The following CAD variants were observed in gnomAD, a reference collection of about 807,000 sequenced individuals.
CAD encodes multifunctional protein CAD.
In CAD, 81 loss-of-function variants were observed where a neutral mutation model predicts 237.2. That is an observed-to-expected ratio of 0.34 (90% CI 0.29 to 0.41). The LOEUF (loss-of-function observed/expected upper bound fraction) is 0.41. Ranked by LOEUF, CAD falls within the 10% of genes least tolerant of loss-of-function variation. The pLI, the probability that CAD is intolerant of heterozygous loss-of-function variation, is 1.00. For missense variants in CAD, 2,181 were observed against 2,951.7 expected (o/e 0.74, Z 6.05); for synonymous variants, 1,196 against 1,162.8 (o/e 1.03, Z -0.58).
intron 3 of CAD, among the ~76,000 whole-genome samples, chr2:27,221,617 C>T (rs928860813): frequency 5.3e-5 from 8 of 152,098 alleles, no homozygotes; most frequent in African/African-American, 1.9e-4. Context: ...TCTCAGACAT[C>T]ATATCATTTC....
At position 27,242,506 on chromosome 2, in the gene CAD, G is replaced by C; in HGVS notation, c.6222+79G>C. ...GGCAGGAAGTGGTTACCCCGGTACA[G>C]GACAGCTGCATCAAGGAGGCCTTCA... is the stretch of plus-strand genomic sequence containing the variant. On this transcript the variant is annotated intron_variant, in intron 40 of 43. Transcript: ENST00000264705. The surrounding 1 kb of genome is among the most constrained non-coding windows in gnomAD (Gnocchi z 6.4). 6.4e-7 allele frequency: 1 copy of C among 1,572,138 alleles called. No individual in the cohort carries two copies. The highest frequency in any genetic ancestry group is 1.8e-5 in the Admixed American group (1 of 56,760).
At chr2:27,229,518 G>T (rs1284958821) in intron 15 of CAD, among the ~76,000 whole-genome samples, 1 of 151,968 alleles carries the variant, frequency 6.6e-6, no homozygotes, top group African/African-American at 2.4e-5. Flanking sequence ...TGATCCTTCT[G>T]CCTCAGCCTT....
intron 4 of CAD, 54 bp downstream of exon 4, chr2:27,222,390 T>C: frequency 4.4e-6 from 7 of 1,587,420 alleles, no homozygotes; most frequent in Non-Finnish European, 6.0e-6. Flanking sequence ...AGTTATATTC[T>C]GCCCACAATT....
In CAD at chr2:27,232,579, A is replaced by G; in HGVS notation, c.2777A>G (p.His926Arg). Residue 926 changes from histidine to arginine, a missense_variant, in exon 18 of 44, where the codon CAT becomes CGT. Physicochemically the swap from His to Arg is conservative, Grantham distance 29. Coordinates refer to ENST00000264705, the MANE Select transcript of CAD (RefSeq NM_004341.5). The surrounding 1 kb of genome is among the most constrained non-coding windows in gnomAD (Gnocchi z 4.1). ...YLYLTYWGTT[H>R]DLTFRTPHVL... ...TACCTAACGTATTGGGGCACCACCC[A>G]TGACCTCACCTTTCGAACACCTCAT... is the stretch of plus-strand genomic sequence containing the variant. 6.2e-7 allele frequency: 1 copy of G among 1,614,182 alleles called. No homozygotes were observed. The highest frequency in any genetic ancestry group is 8.5e-7 in the Non-Finnish European group (1 of 1,180,032).
chr2:27,219,461 A>AC (rs942564361), intron 2 of CAD, among the ~76,000 whole-genome samples: 3 of 149,718 alleles, frequency 2.0e-5, no homozygotes, highest in African/African-American at 4.9e-5. Flanking sequence ...TCCCACCTCA[A>AC]CCCCCCAAGT....
chr2:27,220,938 A>G (rs974373817), intron 2 of CAD, among the ~76,000 whole-genome samples: 2 of 152,146 alleles, frequency 1.3e-5, no homozygotes, highest in Non-Finnish European at 2.9e-5. Context: ...AGCCTGGGTG[A>G]CAGAGTGAGA....
At chr2:27,221,479 T>G (rs193277147) in intron 3 of CAD, 132 bp downstream of exon 3, 2 of 870,394 alleles carry the variant, frequency 2.3e-6, no homozygotes, top group Non-Finnish European at 3.1e-6. Context: ...GGAGTTGGGC[T>G]GGGAGAAAGA....
chr2:27,217,797 C>T (rs1037570680), intron 1 of CAD, 80 bp from the exon 2 acceptor site: 27 of 1,502,438 alleles, frequency 1.8e-5, no homozygotes, highest in Middle Eastern at 1.8e-4. Context: ...CCAAGGCAGC[C>T]TCCACTGGGG....
chr2:27,235,731 G>A lies in CAD; in HGVS notation c.4074+91G>A. 2.8e-6 allele frequency: 3 copies of A among 1,056,710 alleles called. No individual in the cohort carries two copies. The highest frequency in any genetic ancestry group is 2.8e-5 in the South Asian group (2 of 71,340). The allele number at this position is 1,056,710 out of a possible 1,614,324, so 65.5% of individuals were successfully genotyped here. Reference sequence around the variant, plus strand: ...AAGAATTATCTGGGCTGGGCACGGTGGCATATACCTGTAGTCCCAGATACT... The same window carrying A: ...AAGAATTATCTGGGCTGGGCACGGTAGCATATACCTGTAGTCCCAGATACT... On this transcript the variant is annotated intron_variant, in intron 25 of 43. Coordinates refer to ENST00000264705, the MANE Select transcript of CAD (RefSeq NM_004341.5). The surrounding 1 kb of genome is among the most constrained non-coding windows in gnomAD (Gnocchi z 5.2).
rs777605360 is a variant in CAD at position 27,241,953 on chromosome 2, A to G, written c.5926A>G (p.Thr1976Ala). Residue 1976 changes from threonine (T) to alanine (A), a missense_variant, in exon 39 of 44, where the codon ACC becomes GCC. Around this residue, in one of 12 missense-constraint regions of CAD, gnomAD observed 203 missense variants for 284.5 expected, o/e 0.71. Transcript: ENST00000264705. This position sits in a 1 kb window ranked among gnomAD's most constrained non-coding sequence, Gnocchi z 4.6. ...CATGTTCTATGAAGTGAGCACACGG[A>G]CCAGCAGCTCCTTTGCAGCAGCCAT... ...ASMFYEVSTR[T>A]SSSFAAAMAR... The G allele has an allele frequency of 1.2e-6, 2 of 1,613,710 alleles. No individual in the cohort carries two copies. The highest frequency in any genetic ancestry group is 8.5e-7 in the Non-Finnish European group (1 of 1,180,008).
chr2:27,240,413 T>A lies in CAD; in HGVS notation c.5593+52T>A. On this transcript the variant is annotated intron_variant, in intron 35 of 43. Transcript: ENST00000264705. The surrounding 1 kb of genome is among the most constrained non-coding windows in gnomAD (Gnocchi z 4.6). ...AGACTGTGTAGGGACAGGATCCACTTCTTCCCAGTGCCTCGCCTTTCTCTA... is the reference window on the plus strand; with the variant it reads ...AGACTGTGTAGGGACAGGATCCACTACTTCCCAGTGCCTCGCCTTTCTCTA... 1.3e-6 allele frequency: 2 copies of A among 1,554,182 alleles called. No homozygotes were observed. The highest frequency in any genetic ancestry group is 1.1e-5 in the South Asian group (1 of 89,830).
chr2:27,221,368 A>G (rs368496249), intron 3 of CAD, 21 bp downstream of exon 3: 79 of 1,536,518 alleles, frequency 5.1e-5, no homozygotes, highest in Non-Finnish European at 6.2e-5. Flanking sequence ...AAGCAGGGGC[A>G]TATTTGGGCA....
At chr2:27,238,288 G>A (rs1162716092) in intron 30 of CAD, 101 bp downstream of exon 30, 1 of 1,489,380 alleles carries the variant, frequency 6.7e-7, no homozygotes. Context: ...GGAGAGTCTG[G>A]AGACAGCAGG....
At chr2:27,224,284 C>G in intron 8 of CAD, 61 bp from the exon 9 acceptor site, 3 of 1,583,204 alleles carry the variant, frequency 1.9e-6, no homozygotes, top group Non-Finnish European at 2.6e-6. Context: ...GGGAGCTAAT[C>G]CAGTTGACCT....
At position 27,240,005 on chromosome 2, in the gene CAD, C is replaced by T; in HGVS notation, c.5496+207C>T. 5.1e-6 allele frequency: 3 copies of T among 587,208 alleles called. No individual in the cohort carries two copies. Among genetic ancestry groups the T allele is most frequent in the Non-Finnish European group, 8.9e-6 (3 of 337,066 alleles). The allele number at this position is 587,208 out of a possible 1,614,324, so 36.4% of individuals were successfully genotyped here. On this transcript the variant is annotated intron_variant, in intron 34 of 43. Transcript: ENST00000264705. The surrounding 1 kb of genome is among the most constrained non-coding windows in gnomAD (Gnocchi z 4.6). ...CTTGTAATCCCAGCACTTTGGGAGG[C>T]CAAGGCAGGCGGATCATCTGAGGTC... is the stretch of plus-strand genomic sequence containing the variant.
intron 15 of CAD, among the ~76,000 whole-genome samples, chr2:27,230,877 A>G (rs1675716653): frequency 6.6e-6 from 1 of 152,254 alleles, no homozygotes; most frequent in Non-Finnish European, 1.5e-5. Context: ...GTATGGGGAT[A>G]TATTCCAGTA....
intron 2 of CAD, among the ~76,000 whole-genome samples, chr2:27,220,068 A>G (rs1675081035): frequency 6.6e-6 from 1 of 152,188 alleles, no homozygotes; most frequent in South Asian, 2.1e-4. Context: ...TCCCTAAGTC[A>G]GAAATAAACA....
chr2:27,227,938 G>A (rs998517069), intron 15 of CAD, among the ~76,000 whole-genome samples: 18 of 152,158 alleles, frequency 1.2e-4, no homozygotes, highest in African/African-American at 3.6e-4. Flanking sequence ...GTGTATCTAC[G>A]ACTGCATACA....
In CAD at chr2:27,242,523, A is replaced by G; in HGVS notation, c.6222+96A>G. 6.4e-7 allele frequency: 1 copy of G among 1,557,732 alleles called. No individual in the cohort carries two copies. The highest frequency in any genetic ancestry group is 8.7e-7 in the Non-Finnish European group (1 of 1,145,396). ...CCGGTACAGGACAGCTGCATCAAGG[A>G]GGCCTTCATTCTGCTCCAGAGGCTT... On this transcript the variant is annotated intron_variant, in intron 40 of 43. Coordinates refer to ENST00000264705, the MANE Select transcript of CAD (RefSeq NM_004341.5). The surrounding 1 kb of genome is among the most constrained non-coding windows in gnomAD (Gnocchi z 6.4).
Sources: gnomAD v4.1 joint callset for allele counts (sites outside exome capture counted in the v4.1 genomes callset) on GRCh38, gnomAD v4.1.1 for gene constraint, gnomAD v4.1.1 regional missense constraint, Gnocchi (gnomAD v3.1) non-coding constraint, MANE v1.5 for transcripts, NCBI Gene and HGNC (gene_info 2026-07-23, HGNC 2026-07-21) for gene names.